EYS: variants seen among roughly 807,000 people sequenced by gnomAD.
The protein encoded by EYS is protein eyes shut homolog.
A neutral mutation model predicts 282.1 loss-of-function variants in EYS; 250 were observed. The observed-to-expected ratio is 0.89, with a 90% confidence interval of 0.80 to 0.98. EYS has a LOEUF of 0.98. EYS is among the 50% of genes least tolerant of loss of function. EYS has a pLI of 0.00. For synonymous variants in EYS, 1,355 were observed against 1,282.9 expected (o/e 1.06, Z -1.20); for missense variants, 4,016 against 3,709.0 (o/e 1.08, Z -2.15).
At chr6:64,027,702 GC>G (rs1202351001) in intron 33 of EYS, among the ~76,000 whole-genome samples, 1 of 152,136 alleles carries the variant, frequency 6.6e-6, no homozygotes, top group East Asian at 1.9e-4. Flanking sequence ...GAAACAAGCT[GC>G]CCCCCATCTA....
intron 28 of EYS, among the ~76,000 whole-genome samples, chr6:64,435,829 T>C (rs1175889318): frequency 6.6e-6 from 1 of 151,896 alleles, no homozygotes; most frequent in Non-Finnish European, 1.5e-5. Flanking sequence ...TATGCTTTTC[T>C]GGAAGTGCCA....
At chr6:64,658,996 C>T (rs1327000074) in intron 22 of EYS, among the ~76,000 whole-genome samples, 1 of 152,206 alleles carries the variant, frequency 6.6e-6, no homozygotes, top group Non-Finnish European at 1.5e-5. Context: ...AAGTAGAGCA[C>T]TCCTCAGCAA....
chr6:64,087,566 A>C (rs1772199595), intron 31 of EYS, among the ~76,000 whole-genome samples: 2 of 152,100 alleles, frequency 1.3e-5, no homozygotes, highest in African/African-American at 4.8e-5. Flanking sequence ...TGTTTGATTC[A>C]CCTTTGATCC....
chr6:64,216,548 C>G (rs1199377726), intron 31 of EYS, among the ~76,000 whole-genome samples: 1 of 152,188 alleles, frequency 6.6e-6, no homozygotes, highest in Non-Finnish European at 1.5e-5. Context: ...CTTCACAATC[C>G]TGCTACCTCC....
chr6:64,984,096 G>A (rs1461718270), intron 14 of EYS, among the ~76,000 whole-genome samples: 1 of 151,492 alleles, frequency 6.6e-6, no homozygotes, highest in African/African-American at 2.4e-5. Context: ...ATGATGAAAT[G>A]TGTCCATTAT....
At chr6:64,060,119 A>G (rs1771114510) in intron 33 of EYS, among the ~76,000 whole-genome samples, 1 of 152,188 alleles carries the variant, frequency 6.6e-6, no homozygotes, top group Non-Finnish European at 1.5e-5. Context: ...TCAAGAAGTG[A>G]AGGCTCTCAC....
chr6:65,455,255 T>C (rs1190799617), intron 5 of EYS, among the ~76,000 whole-genome samples: 2 of 152,132 alleles, frequency 1.3e-5, no homozygotes, highest in Non-Finnish European at 2.9e-5. Flanking sequence ...TTATTTTTTA[T>C]AGCTGTTGCA....
At chr6:65,399,457 A>T (rs1049478596) in intron 7 of EYS, among the ~76,000 whole-genome samples, 1 of 152,022 alleles carries the variant, frequency 6.6e-6, no homozygotes, top group African/African-American at 2.4e-5. Context: ...AGCATAGTAA[A>T]ATAATTTAGA....
At chr6:64,176,891 T>G (rs1053071936) in intron 31 of EYS, among the ~76,000 whole-genome samples, 1 of 152,064 alleles carries the variant, frequency 6.6e-6, no homozygotes, top group Non-Finnish European at 1.5e-5. Flanking sequence ...AGGCTTTTAG[T>G]CTAGTTTCCA....
At chr6:65,443,622 T>G (rs1396463773) in intron 5 of EYS, among the ~76,000 whole-genome samples, 1 of 149,250 alleles carries the variant, frequency 6.7e-6, no homozygotes, top group Non-Finnish European at 1.5e-5. Context: ...TACACACATA[T>G]AAACATGTGT....
chr6:64,787,928 T>C lies in EYS; in HGVS notation c.3443+25450A>G, dbSNP rs1173250519. Among the ~76,000 whole-genome samples the C allele has an allele frequency of 2.6e-5, 4 of 152,118 alleles. No homozygotes were observed. The South Asian group carries it at 6.2e-4, about 24-fold the overall frequency. On this transcript the variant is annotated intron_variant, in intron 22 of 42. Transcript: ENST00000503581. ...TTTTCTGTTATCTGGGTTTCCCTTT[T>C]ACATCATGCCCCTTTGTAACTGTTG...
intron 31 of EYS, among the ~76,000 whole-genome samples, chr6:64,111,113 C>A (rs1773189317): frequency 6.6e-6 from 1 of 151,924 alleles, no homozygotes; most frequent in African/African-American, 2.4e-5. Context: ...TGAGAGTGAA[C>A]ATTTCATAGT....
At chr6:65,063,666 TTTCTC>T (rs1257621753) in intron 12 of EYS, among the ~76,000 whole-genome samples, 8 of 152,100 alleles carry the variant, frequency 5.3e-5, no homozygotes, top group African/African-American at 1.4e-4. Context: ...GGAAATGTCT[TTTCTC>T]TTCCATGCTT....
intron 35 of EYS, among the ~76,000 whole-genome samples, chr6:63,924,430 C>T (rs1232370394): frequency 6.6e-6 from 1 of 152,174 alleles, no homozygotes; most frequent in African/African-American, 2.4e-5. Flanking sequence ...ACACTCTGTG[C>T]AAGGATAACT....
At chr6:64,248,203 G>A (rs1767080832) in intron 30 of EYS, among the ~76,000 whole-genome samples, 1 of 151,934 alleles carries the variant, frequency 6.6e-6, no homozygotes, top group Non-Finnish European at 1.5e-5. Flanking sequence ...GTGTGTGTGT[G>A]TGTGTGTGTG....
rs557899795 is a variant in EYS, at chr6:65,494,266, T to C, written c.748+397A>G. ...TTTTTTATTTATTTTTATTTATTTA[T>C]TTTATTTTATTTTTATTTTTATCTT... On this transcript the variant is annotated intron_variant, in intron 4 of 42. Transcript: ENST00000503581. Among the ~76,000 whole-genome samples, 15 of 151,404 alleles carry C rather than the reference T, an allele frequency of 9.9e-5. No individual in the cohort carries two copies. In the South Asian group the frequency reaches 3.1e-3, roughly 31 times the overall value.
At chr6:64,927,334 C>T (rs1433304150) in intron 15 of EYS, among the ~76,000 whole-genome samples, 1 of 152,066 alleles carries the variant, frequency 6.6e-6, no homozygotes, top group Non-Finnish European at 1.5e-5. Flanking sequence ...AGCAAAACAA[C>T]ATTGATCTGA....
intron 26 of EYS, among the ~76,000 whole-genome samples, chr6:64,527,020 A>G (rs1434308992): frequency 6.6e-6 from 1 of 151,798 alleles, no homozygotes; most frequent in African/African-American, 2.4e-5. Context: ...GTTTTAGAAT[A>G]TTTAGTAATC....
chr6:65,217,796 TAG>T (rs1208355181), intron 12 of EYS, among the ~76,000 whole-genome samples: 1 of 151,996 alleles, frequency 6.6e-6, no homozygotes. Context: ...ACAGAAAATA[TAG>T]AGTTTTCTGG....
Sources: gnomAD v4.1 joint callset for allele counts (sites outside exome capture counted in the v4.1 genomes callset) on GRCh38, gnomAD v4.1.1 for gene constraint, MANE v1.5 for transcripts, NCBI Gene and HGNC (gene_info 2026-07-23, HGNC 2026-07-21) for gene names.